The following SYCE1L variants were observed in gnomAD, a reference collection of about 807,000 sequenced individuals.
SYCE1L encodes the protein synaptonemal complex central element protein 1 like.
SYCE1L carries 51 observed loss-of-function variants against 39.6 expected under a neutral mutation model. The observed-to-expected ratio is 1.29, with a 90% CI of 1.03 to 1.63. SYCE1L has a LOEUF of 1.63. SYCE1L is among the 40% of genes most tolerant of loss of function. The pLI is 0.00. For synonymous variants in SYCE1L, 147 were observed against 122.4 expected (o/e 1.20, Z -1.33); for missense variants, 426 against 304.9 (o/e 1.40, Z -2.96).
Position 77,212,151 on chromosome 16 carries a change from C to CG in SYCE1L, c.448dup (p.Glu150GlyfsTer35). On this transcript the variant is annotated frameshift_variant, in exon 8 of 11. Transcript: ENST00000378644. LOFTEE classifies it high-confidence loss of function. ...GCAGATGCTGGAGCAGCGACTGGCC[C>CG]GGGAGATCCGTGCCCTGGAGAGAAG... The CG allele has an allele frequency of 6.5e-7, 1 of 1,548,774 alleles. No individual in the cohort carries two copies. The highest frequency in any genetic ancestry group is 8.7e-7 in the Non-Finnish European group (1 of 1,146,386).
intron 6 of SYCE1L, among the ~76,000 whole-genome samples, chr16:77,209,872 A>G (rs2054810699): frequency 6.6e-6 from 1 of 152,084 alleles, no homozygotes; most frequent in Non-Finnish European, 1.5e-5. Flanking sequence ...TCATCCATCT[A>G]TCCAACCATG....
intron 5 of SYCE1L, 30 bp downstream of exon 5, chr16:77,209,174 T>G (rs1285131541): frequency 6.4e-7 from 1 of 1,550,708 alleles, no homozygotes; most frequent in South Asian, 1.2e-5. Context: ...TCTTCCTTAT[T>G]CTACTCTTCC....
Position 77,209,410 on chromosome 16 carries a change from C to T in SYCE1L, c.305-7C>T. The T allele has an allele frequency of 2.6e-6, 4 of 1,551,688 alleles. No individual in the cohort carries two copies. Among genetic ancestry groups the T allele is most frequent in the Non-Finnish European group, 2.6e-6 (3 of 1,146,980 alleles). On this transcript the variant is annotated splice_polypyrimidine_tract_variant and splice_region_variant and intron_variant, in intron 5 of 10. Transcript: ENST00000378644. ...CTCAAAGGGTCCCCTTGGTTCCTTC[C>T]CCACAGAGGCACTGAGGATCCTCCA...
In SYCE1L at chr16:77,212,382, G is replaced by C. The variant is rs2142522182; in HGVS notation, c.581+13G>C. On this transcript the variant is annotated intron_variant, in intron 9 of 10. Transcript: ENST00000378644. ...CGGTGAATGACGGGTGAGAGGGGAA[G>C]GGAGGAGTGGGCGAGGAGGGCAGGG... 1 of 1,527,750 alleles carries C rather than the reference G, an allele frequency of 6.5e-7. No homozygotes were observed. Among genetic ancestry groups the C allele is most frequent in the African/African-American group, 1.4e-5 (1 of 71,616 alleles). 94.6% of individuals were successfully genotyped at this position (1,527,750 alleles called of 1,614,324 possible). A position where few individuals can be genotyped will look rare whatever the true frequency, so the allele number is the denominator to read the frequency against.
chr16:77,206,330 C>A, intron 1 of SYCE1L, 111 bp from the exon 2 acceptor site: 1 of 898,686 alleles, frequency 1.1e-6, no homozygotes, highest in Non-Finnish European at 1.7e-6. Context: ...GTCATTCCAT[C>A]CTTAGCCCCA....
chr16:77,204,044 T>A (rs2054767074), intron 1 of SYCE1L, among the ~76,000 whole-genome samples: 2 of 151,576 alleles, frequency 1.3e-5, no homozygotes, highest in African/African-American at 4.9e-5. Context: ...AAGTTTGAAA[T>A]GAAACAGTTT....
intron 1 of SYCE1L, among the ~76,000 whole-genome samples, chr16:77,205,897 T>C (rs2054782696): frequency 6.6e-6 from 1 of 152,174 alleles, no homozygotes; most frequent in African/African-American, 2.4e-5. Flanking sequence ...AAACAAACTC[T>C]CTATATTAAA....
intron 1 of SYCE1L, among the ~76,000 whole-genome samples, chr16:77,204,215 A>T (rs2054768803): frequency 6.6e-6 from 1 of 152,180 alleles, no homozygotes; most frequent in African/African-American, 2.4e-5. Flanking sequence ...TCTAGGTAGT[A>T]CTCTATGTGT....
chr16:77,199,708 C>T, intron 1 of SYCE1L, 196 bp downstream of exon 1: 1 of 529,788 alleles, frequency 1.9e-6, no homozygotes, highest in Non-Finnish European at 3.3e-6. Flanking sequence ...ATTCTTATCA[C>T]CGAGATTAAC....
intron 1 of SYCE1L, chr16:77,201,664 T>C (rs950987366): frequency 1.3e-5 from 2 of 152,136 alleles, no homozygotes; most frequent in Non-Finnish European, 2.9e-5. Flanking sequence ...AGTGTTGATG[T>C]AGGCACAACA....
At chr16:77,201,254 G>A (rs1190945834) in intron 1 of SYCE1L, 2 of 152,078 alleles carry the variant, frequency 1.3e-5, no homozygotes, top group Non-Finnish European at 2.9e-5. Context: ...AAAGACAGAC[G>A]GAAATAAGAC....
chr16:77,209,564 C>A, intron 6 of SYCE1L, 93 bp downstream of exon 6: 1 of 1,329,210 alleles, frequency 7.5e-7, no homozygotes, highest in Non-Finnish European at 1.0e-6. Context: ...GACACAGAAG[C>A]CTCATTTTAC....
chr16:77,209,300 A>T, intron 5 of SYCE1L, 117 bp from the exon 6 acceptor site: 1 of 1,351,368 alleles, frequency 7.4e-7, no homozygotes, highest in Non-Finnish European at 1.0e-6. Context: ...ACTTGGAGTA[A>T]ACACCCAAGT....
intron 1 of SYCE1L, among the ~76,000 whole-genome samples, chr16:77,203,976 A>G (rs1434371988): frequency 2.0e-5 from 3 of 152,090 alleles, no homozygotes; most frequent in Non-Finnish European, 2.9e-5. Context: ...ACACATTCCT[A>G]GGAGTGGAAT....
In SYCE1L at chr16:77,212,600, G is replaced by C; in HGVS notation, c.608G>C (p.Gly203Ala). Residue 203 changes from glycine (G) to alanine (A), a missense_variant, in exon 10 of 11, where the codon GGG becomes GCG. Transcript: ENST00000378644. ...CTGAAGGCGGAGCTGGAGATATTCGGGGAGCAGGTCCGGAGCGCCCCCGAG... is the reference window on the plus strand; with the variant it reads ...CTGAAGGCGGAGCTGGAGATATTCGCGGAGCAGGTCCGGAGCGCCCCCGAG... ...DGLKAELEIF[G>A]EQVRSAPEVG... is the part of the protein sequence containing the mutation. The C allele has an allele frequency of 1.3e-6, 2 of 1,536,348 alleles. No homozygotes were observed. Among genetic ancestry groups the C allele is most frequent in the Non-Finnish European group, 8.7e-7 (1 of 1,146,540 alleles).
At chr16:77,205,433 A>AATATATATATATATATATATATATATGT (rs145238524) in intron 1 of SYCE1L, among the ~76,000 whole-genome samples, 183 of 145,276 alleles carry the variant, frequency 1.3e-3, no homozygotes, top group African/African-American at 4.4e-3. Context: ...CATAGAAGTA[A>AATATATATATATATATATATATATATGT]ATATATATAT....
In SYCE1L at chr16:77,209,436, G is replaced by C; in HGVS notation, c.324G>C (p.Gln108His). Reference sequence around the variant, plus strand: ...CCACAGAGGCACTGAGGATCCTCCAGATGCACTGCCAAGAGAAGGAAAGCG... The same window carrying C: ...CCACAGAGGCACTGAGGATCCTCCACATGCACTGCCAAGAGAAGGAAAGCG... Reference protein sequence around the residue: ...GKKQEALRILQMHCQEKESEA... With the variant: ...GKKQEALRILHMHCQEKESEA... The change falls in exon 6 of 11, where the codon CAG (glutamine) becomes CAC (histidine). Residue 108 changes from glutamine (Q) to histidine (H), a missense_variant. Physicochemically the swap from Gln to His is conservative, Grantham distance 24. Transcript: ENST00000378644. 1 of 1,551,720 alleles carries C rather than the reference G, an allele frequency of 6.4e-7. No homozygotes were observed. The highest frequency in any genetic ancestry group is 2.4e-5 in the East Asian group (1 of 40,900).
Position 77,208,267 on chromosome 16 carries a change from A to G in SYCE1L, c.179A>G (p.Gln60Arg). The change falls in exon 3 of 11, where the codon CAA (glutamine) becomes CGA (arginine). Residue 60 changes from glutamine to arginine, a missense_variant and splice_region_variant. Gln to Arg is a conservative substitution (Grantham distance 43). Transcript: ENST00000378644. ...DLISRINDLQ[Q>R]AKKKSSEELR... The stretch of plus-strand genomic sequence containing the variant: ...ATTAGCCGGATTAATGATCTTCAGC[A>G]AGGTAAACTTGGGGACTTAGACTGG... The G allele has an allele frequency of 6.4e-7, 1 of 1,551,662 alleles. No individual in the cohort carries two copies. The highest frequency in any genetic ancestry group is 1.2e-5 in the South Asian group (1 of 84,060).
chr16:77,210,679 C>A (rs1224421008), intron 6 of SYCE1L, among the ~76,000 whole-genome samples: 1 of 152,110 alleles, frequency 6.6e-6, no homozygotes, highest in African/African-American at 2.4e-5. Context: ...CAAATTACCA[C>A]ACGCCTCACA....
Sources: allele counts gnomAD v4.1 joint callset (sites outside exome capture counted in the v4.1 genomes callset), GRCh38; gene constraint gnomAD v4.1.1; transcripts MANE v1.5; gene names NCBI Gene and HGNC (gene_info 2026-07-23, HGNC 2026-07-21).